ZNF407: variants seen among roughly 807,000 people sequenced by gnomAD.
The protein encoded by ZNF407 is zinc finger protein 407.
Under a neutral mutation model 131.2 loss-of-function variants are expected in ZNF407, and 17 were observed. The ratio of observed to expected loss-of-function variants is 0.13; its 90% CI spans 0.09 to 0.19. The LOEUF is 0.19. Among genes scored for constraint, ZNF407 ranks in the 10% least tolerant of loss-of-function variants. The pLI, the probability that ZNF407 is intolerant of heterozygous loss-of-function variation, is 1.00. For missense variants in ZNF407, 2,681 were observed against 2,830.6 expected, an observed-to-expected ratio of 0.95 and a Z score of 1.20; for synonymous variants, 1,156 against 1,062.0, an observed-to-expected ratio of 1.09 and a Z score of -1.72.
At chr18:74,606,300 T>C (rs1982803384) in intron 1 of ZNF407, among the ~76,000 whole-genome samples, 1 of 152,250 alleles carries the variant, frequency 6.6e-6, no homozygotes, top group Admixed American at 6.5e-5. Flanking sequence ...TGTGTAATGC[T>C]GAATTCTATC....
chr18:74,962,268 T>A (rs1006253375), intron 8 of ZNF407, among the ~76,000 whole-genome samples: 2 of 152,246 alleles, frequency 1.3e-5, no homozygotes, highest in Non-Finnish European at 2.9e-5. Context: ...GTGGTTTTAC[T>A]GTATTTACTC....
intron 8 of ZNF407, among the ~76,000 whole-genome samples, chr18:75,028,181 G>A (rs1973193490): frequency 6.6e-6 from 1 of 152,238 alleles, no homozygotes; most frequent in Non-Finnish European, 1.5e-5. Flanking sequence ...GTGTCAGTTT[G>A]CGAGGGCTGC....
In ZNF407 at chr18:74,920,592, C is replaced by T. The variant is rs1971833903; in HGVS notation, c.5328C>T (p.Pro1776=). The T allele has an allele frequency of 1.9e-6, 3 of 1,609,370 alleles. No homozygotes were observed. Among genetic ancestry groups the T allele is most frequent in the African/African-American group, 1.3e-5 (1 of 74,870 alleles). ...KHEGVKMYNC[P]KCDYGTNVPV... is the part of the protein sequence containing the mutation. Reference sequence around the variant, plus strand: ...AAGGAGTCAAGATGTACAACTGTCCCAAGTGTGACTACGGGACCAACGTCC... The same window carrying T: ...AAGGAGTCAAGATGTACAACTGTCCTAAGTGTGACTACGGGACCAACGTCC... The change falls in exon 8 of 9, where the codon CCC becomes CCT. Residue 1776 remains proline, a synonymous_variant. Coordinates refer to ENST00000299687, the MANE Select transcript of ZNF407 (RefSeq NM_017757.3).
chr18:74,829,032 A>G (rs1418921621), intron 4 of ZNF407, among the ~76,000 whole-genome samples: 1 of 152,228 alleles, frequency 6.6e-6, no homozygotes, highest in Non-Finnish European at 1.5e-5. Flanking sequence ...GCCAGTGGGC[A>G]GCAACTTAAA....
Position 74,631,220 on chromosome 18 carries a change from C to G in ZNF407, c.201C>G (p.Asp67Glu). ...CTGATAGTGTTGTTATAGGAGAAGA[C>G]AGAAATAAACATGCTTCCAAACGCA... The part of the protein sequence containing the change: ...SNSDSVVIGE[D>E]RNKHASKRRK... Residue 67 changes from aspartate to glutamate, a missense_variant, in exon 2 of 9, where the codon GAC (aspartate) becomes GAG (glutamate). Asp to Glu is a conservative substitution (Grantham distance 45). This residue lies in a region of ZNF407 where 1,789 missense variants were observed against 1,748.7 expected (regional missense o/e 1.02). Transcript: ENST00000299687. 6.2e-7 allele frequency: 1 copy of G among 1,613,888 alleles called. No homozygotes were observed. Among genetic ancestry groups the G allele is most frequent in the Non-Finnish European group, 8.5e-7 (1 of 1,179,866 alleles).
chr18:74,670,706 C>G (rs1599056154), intron 3 of ZNF407, among the ~76,000 whole-genome samples: 1 of 152,212 alleles, frequency 6.6e-6, no homozygotes, highest in Non-Finnish European at 1.5e-5. Context: ...GAGACAGAAT[C>G]TGTGTGTGTT....
At chr18:75,016,964 A>C (rs1275471555) in intron 8 of ZNF407, among the ~76,000 whole-genome samples, 1 of 152,136 alleles carries the variant, frequency 6.6e-6, no homozygotes, top group Non-Finnish European at 1.5e-5. Flanking sequence ...ATTCCAGAAA[A>C]AGCAGGTGTC....
chr18:74,622,779 CGT>C lies in ZNF407; in HGVS notation c.-53-8185_-53-8184del, dbSNP rs566390890. On this transcript the variant is annotated intron_variant, in intron 1 of 8. Transcript: ENST00000299687. Reference sequence around the variant, plus strand: ...ATGAATATTTGTGTGTGAGAGTGCGCGTGTCATTGTGTCTGTGTCTGAATTTG... The same window carrying C: ...ATGAATATTTGTGTGTGAGAGTGCGCGTCATTGTGTCTGTGTCTGAATTTG... Among the ~76,000 whole-genome samples the C allele has an allele frequency of 3.4e-3, 513 of 151,500 alleles. 6 individuals are homozygous for C. Among genetic ancestry groups the C allele is most frequent in the African/African-American group, 0.012 (483 of 41,280 alleles).
At chr18:74,807,111 C>T (rs1245856757) in intron 4 of ZNF407, among the ~76,000 whole-genome samples, 2 of 152,174 alleles carry the variant, frequency 1.3e-5, no homozygotes, top group African/African-American at 2.4e-5. Context: ...CAGTAGGCAC[C>T]TCTGAAGCCT....
chr18:74,959,595 A>G lies in ZNF407; in HGVS notation c.5428+38903A>G, dbSNP rs188190559. Among the ~76,000 whole-genome samples, 591 of 152,258 alleles carry G rather than the reference A, an allele frequency of 3.9e-3. 8 individuals are homozygous for G. The highest frequency in any genetic ancestry group is 0.036 in the South Asian group (172 of 4,816). On this transcript the variant is annotated intron_variant, in intron 8 of 8. Transcript: ENST00000299687. ...ATGCCCACTTAGAGAAAACTTGCCAATTTTGACATCTCTAAACGGAATACA... is the reference window on the plus strand; with the variant it reads ...ATGCCCACTTAGAGAAAACTTGCCAGTTTTGACATCTCTAAACGGAATACA...
intron 1 of ZNF407, among the ~76,000 whole-genome samples, chr18:74,603,134 G>A (rs1424938917): frequency 1.3e-5 from 2 of 152,166 alleles, no homozygotes; most frequent in Admixed American, 1.3e-4. Context: ...GCCAGTAATA[G>A]GTTCATGCAT....
chr18:74,608,233 A>C (rs1982894814), intron 1 of ZNF407, among the ~76,000 whole-genome samples: 1 of 152,234 alleles, frequency 6.6e-6, no homozygotes, highest in Admixed American at 6.5e-5. Flanking sequence ...ATTTATTTGA[A>C]TTTAACCAAT....
intron 4 of ZNF407, chr18:74,804,351 T>A (rs1970075909): frequency 2.8e-6 from 3 of 1,056,318 alleles, no homozygotes; most frequent in African/African-American, 1.7e-5. Flanking sequence ...AAGCTGACTG[T>A]CCAATCAAAG....
chr18:75,005,713 C>A (rs1434936253), intron 8 of ZNF407, among the ~76,000 whole-genome samples: 1 of 127,700 alleles, frequency 7.8e-6, no homozygotes, highest in Non-Finnish European at 1.7e-5. Flanking sequence ...CCCCCACCCA[C>A]CCCCCGCCGC....
intron 4 of ZNF407, among the ~76,000 whole-genome samples, chr18:74,831,901 T>A (rs879496453): frequency 2.6e-5 from 4 of 152,202 alleles, no homozygotes; most frequent in Non-Finnish European, 4.4e-5. Flanking sequence ...GCTGTGGCCC[T>A]GGGCACAGTT....
chr18:74,729,408 G>A (rs1968237735), intron 3 of ZNF407, among the ~76,000 whole-genome samples: 1 of 152,078 alleles, frequency 6.6e-6, no homozygotes, highest in Non-Finnish European at 1.5e-5. Flanking sequence ...TTTTTAATAA[G>A]CCTTTTCTCC....
chr18:74,799,495 C>T (rs1969980623), intron 4 of ZNF407, among the ~76,000 whole-genome samples: 1 of 152,012 alleles, frequency 6.6e-6, no homozygotes, highest in South Asian at 2.1e-4. Flanking sequence ...AATATTTAAA[C>T]TTGAATGAAA....
intron 3 of ZNF407, among the ~76,000 whole-genome samples, chr18:74,754,696 G>A (rs563945840): frequency 1.3e-5 from 2 of 152,298 alleles, no homozygotes; most frequent in South Asian, 2.1e-4. Context: ...GAGTTTGATT[G>A]CACTGTGGTC....
intron 3 of ZNF407, among the ~76,000 whole-genome samples, chr18:74,734,678 T>G (rs1039897666): frequency 1.4e-5 from 2 of 141,148 alleles, no homozygotes; most frequent in Non-Finnish European, 1.5e-5. Context: ...AATTTGTGTG[T>G]GTGTGTGTGT....
Sources: gnomAD v4.1 joint callset for allele counts (sites outside exome capture counted in the v4.1 genomes callset) on GRCh38, gnomAD v4.1.1 for gene constraint, gnomAD v4.1.1 regional missense constraint, MANE v1.5 for transcripts, NCBI Gene and HGNC (gene_info 2026-07-23, HGNC 2026-07-21) for gene names.